The following WDR55 variants were observed in gnomAD, a reference collection of about 807,000 sequenced individuals.
WDR55 encodes WD repeat-containing protein 55.
WDR55 carries 31 observed loss-of-function variants against 34.0 expected under a neutral mutation model. The ratio of observed to expected loss-of-function variants is 0.91; its 90% CI spans 0.69 to 1.23. WDR55 has a LOEUF of 1.23. WDR55 is among the 50% of genes most tolerant of loss of function. The probability of loss-of-function intolerance (pLI) is 0.00; values close to 1 mark genes in which losing one functional copy is unlikely to be tolerated. For synonymous variants in WDR55, 164 were observed against 185.9 expected (o/e 0.88, Z 0.96); for missense variants, 440 against 494.6 (o/e 0.89, Z 1.05).
At chr5:140,666,672 G>C in intron 1 of WDR55, 1 of 984,552 alleles carries the variant, frequency 1.0e-6, no homozygotes. Context: ...CTTTGACCTT[G>C]CCTCACAGAG....
At chr5:140,668,822 C>G (rs374843485) in intron 4 of WDR55, 31 bp downstream of exon 4, 71 of 1,613,252 alleles carry the variant, frequency 4.4e-5, no homozygotes, top group Middle Eastern at 1.6e-4. Flanking sequence ...TGCCTCCCCT[C>G]CCCTCCCTGT....
rs1241796379 is a variant in WDR55, at chr5:140,670,431, C to T, written c.*777C>T. On this transcript the variant is annotated 3_prime_UTR_variant, in exon 7 of 7. Coordinates refer to ENST00000358337, the MANE Select transcript of WDR55 (RefSeq NM_017706.5). ...TGGCGTGATCTTGGCTCACTGCAAC[C>T]TCCGCCTCCCGGGTTCAAGCAATTC... 6.6e-6 allele frequency: 1 copy of T among 151,726 alleles called. No individual in the cohort carries two copies. Among genetic ancestry groups the T allele is most frequent in the Non-Finnish European group, 1.5e-5 (1 of 68,120 alleles). The allele number at this position is 151,726 out of a possible 1,614,324, so 9.4% of individuals were successfully genotyped here. A position where few individuals can be genotyped will look rare whatever the true frequency, so the allele number is the denominator to read the frequency against.
In WDR55 at chr5:140,668,402, A is replaced by G; in HGVS notation, c.293-13A>G. On this transcript the variant is annotated splice_polypyrimidine_tract_variant and intron_variant, in intron 2 of 6. Transcript: ENST00000358337. The stretch of plus-strand genomic sequence containing the variant: ...CAGTGAGCAGCACCATGACCTGGGC[A>G]CCTTTTCCCCAGAGCTCATTACTGT... The G allele has an allele frequency of 6.2e-7, 1 of 1,614,192 alleles. No individual in the cohort carries two copies. The highest frequency in any genetic ancestry group is 8.5e-7 in the Non-Finnish European group (1 of 1,180,040).
rs769839099 is a variant in WDR55, at chr5:140,669,662, A to C, written c.*8A>C. ...GGGGATGACAGTGACTGAAGGAATG[A>C]ATTGAATCTTGAGACGGGTCCTCAC... is the stretch of plus-strand genomic sequence containing the variant. On this transcript the variant is annotated 3_prime_UTR_variant, in exon 7 of 7. Coordinates refer to ENST00000358337, the MANE Select transcript of WDR55 (RefSeq NM_017706.5). The C allele has an allele frequency of 1.9e-6, 3 of 1,608,522 alleles. No homozygotes were observed. The African/African-American group carries it at 4.0e-5, about 22-fold the overall frequency.
At position 140,669,727 on chromosome 5, in the gene WDR55, G is replaced by C. The variant is rs1581492871; in HGVS notation, c.*73G>C. The C allele has an allele frequency of 7.1e-7, 1 of 1,408,334 alleles. No individual in the cohort carries two copies. Among genetic ancestry groups the C allele is most frequent in the African/African-American group, 1.4e-5 (1 of 69,298 alleles). 87.2% of individuals were successfully genotyped at this position (1,408,334 alleles called of 1,614,324 possible). A position where few individuals can be genotyped will look rare whatever the true frequency, so the allele number is the denominator to read the frequency against. On this transcript the variant is annotated 3_prime_UTR_variant, in exon 7 of 7. Coordinates refer to ENST00000358337, the MANE Select transcript of WDR55 (RefSeq NM_017706.5). Reference sequence around the variant, plus strand: ...GCTTATTGGGCTGCATCCCCAGAGAGGATATGAATTATTTTTTGAAAAGAC... The same window carrying C: ...GCTTATTGGGCTGCATCCCCAGAGACGATATGAATTATTTTTTGAAAAGAC...
chr5:140,665,158 C>A, intron 1 of WDR55, 55 bp downstream of exon 1: 1 of 1,504,434 alleles, frequency 6.6e-7, no homozygotes. Flanking sequence ...GGGGGTGGAC[C>A]TGGGAACAGG....
chr5:140,671,623 A>G lies in WDR55; in HGVS notation c.*1969A>G. The G allele has an allele frequency of 6.3e-7, 1 of 1,575,690 alleles. No individual in the cohort carries two copies. The highest frequency in any genetic ancestry group is 2.1e-4 in the Middle Eastern group (1 of 4,808). ...GGAACCCTAACTTGTCCCTTGCCAA[A>G]GCCAACTGGCTGCCCTCTGGCTGTG... On this transcript the variant is annotated 3_prime_UTR_variant, in exon 7 of 7. Coordinates refer to ENST00000358337, the MANE Select transcript of WDR55 (RefSeq NM_017706.5).
Position 140,669,625 on chromosome 5 carries a change from A to G in WDR55, c.1123A>G (p.Lys375Glu), listed in dbSNP as rs368560283. The change falls in exon 7 of 7, where the codon AAG becomes GAG. Residue 375 changes from lysine to glutamate, a missense_variant. By Grantham distance (56) the Lys-to-Glu change is moderately conservative. Coordinates refer to ENST00000358337, the MANE Select transcript of WDR55 (RefSeq NM_017706.5). ...EGEDSMAQEE[K>E]EETGDDSD Reference sequence around the variant, plus strand: ...AGAAGACTCCATGGCTCAGGAAGAAAAGGAGGAGACTGGGGATGACAGTGA... The same window carrying G: ...AGAAGACTCCATGGCTCAGGAAGAAGAGGAGGAGACTGGGGATGACAGTGA... 54 of 1,613,764 alleles carry G rather than the reference A, an allele frequency of 3.3e-5. No homozygotes were observed. Among genetic ancestry groups the G allele is most frequent in the Non-Finnish European group, 4.4e-5 (52 of 1,179,896 alleles).
rs1440475644 is a variant in WDR55, at chr5:140,671,391, C to T, written c.*1737C>T. The T allele has an allele frequency of 6.2e-7, 1 of 1,612,602 alleles. No homozygotes were observed. ...TGCAGCAGCCGTACAGACACAGCAT[C>T]CTTGGCCACCTCATGCCCATCCCGG... On this transcript the variant is annotated 3_prime_UTR_variant, in exon 7 of 7. Coordinates refer to ENST00000358337, the MANE Select transcript of WDR55 (RefSeq NM_017706.5).
chr5:140,672,160 C>CTA lies in WDR55; in HGVS notation c.*2507_*2508dup. 1.8e-6 allele frequency: 1 copy of CTA among 566,140 alleles called. No homozygotes were observed. The highest frequency in any genetic ancestry group is 3.2e-6 in the Non-Finnish European group (1 of 317,142). 35.1% of individuals were successfully genotyped at this position (566,140 alleles called of 1,614,324 possible). A position where few individuals can be genotyped will look rare whatever the true frequency, so the allele number is the denominator to read the frequency against. On this transcript the variant is annotated 3_prime_UTR_variant, in exon 7 of 7. Transcript: ENST00000358337. ...GATTCCCTTGAGCAAATCAATTTCTCTAACAGTTTCCTCATAGCTTGAGGG... is the reference window on the plus strand; with the variant it reads ...GATTCCCTTGAGCAAATCAATTTCTCTATAACAGTTTCCTCATAGCTTGAGGG...
chr5:140,669,665 T>C lies in WDR55; in HGVS notation c.*11T>C. ...GATGACAGTGACTGAAGGAATGAAT[T>C]GAATCTTGAGACGGGTCCTCACCAG... is the stretch of plus-strand genomic sequence containing the variant. On this transcript the variant is annotated 3_prime_UTR_variant, in exon 7 of 7. Coordinates refer to ENST00000358337, the MANE Select transcript of WDR55 (RefSeq NM_017706.5). 6.2e-7 allele frequency: 1 copy of C among 1,607,640 alleles called. No homozygotes were observed. The highest frequency in any genetic ancestry group is 8.5e-7 in the Non-Finnish European group (1 of 1,175,918).
chr5:140,669,334 G>A lies in WDR55; in HGVS notation c.832G>A (p.Ala278Thr). The part of the protein sequence containing the change: ...CTGSTDGVIR[A>T]VNILPNRVVG... ...CAACACTGTTCTTTCCCTGCCCAGG[G>A]CTGTGAACATCCTACCGAACCGAGT... The change falls in exon 7 of 7, where the codon GCT becomes ACT. Residue 278 changes from alanine (A) to threonine (T), a missense_variant and splice_region_variant. Coordinates refer to ENST00000358337, the MANE Select transcript of WDR55 (RefSeq NM_017706.5). The A allele has an allele frequency of 1.2e-6, 2 of 1,610,668 alleles. No individual in the cohort carries two copies. The highest frequency in any genetic ancestry group is 2.2e-5 in the South Asian group (2 of 91,002).
chr5:140,669,485 G>T lies in WDR55; in HGVS notation c.983G>T (p.Arg328Leu). 6.2e-7 allele frequency: 1 copy of T among 1,614,140 alleles called. No homozygotes were observed. The highest frequency in any genetic ancestry group is 1.1e-5 in the South Asian group (1 of 91,080). ...RLKFWDMAQL[R>L]AVVVDDYRRR... ...AAGTTTTGGGACATGGCCCAGCTGC[G>T]AGCTGTGGTGGTGGATGACTACCGT... Residue 328 changes from arginine (R) to leucine (L), a missense_variant, in exon 7 of 7, where the codon CGA (arginine) becomes CTA (leucine). Arg to Leu is a moderately radical substitution (Grantham distance 102, BLOSUM62 -2). Transcript: ENST00000358337.
In WDR55 at chr5:140,669,512, G is replaced by A. The variant is rs200155650; in HGVS notation, c.1010G>A (p.Arg337Gln). The part of the protein sequence containing the change: ...LRAVVVDDYR[R>Q]RKKKGGPLRA... Reference sequence around the variant, plus strand: ...GCTGTGGTGGTGGATGACTACCGTCGGCGCAAAAAAAAGGGAGGACCACTG... The same window carrying A: ...GCTGTGGTGGTGGATGACTACCGTCAGCGCAAAAAAAAGGGAGGACCACTG... The change falls in exon 7 of 7, where the codon CGG becomes CAG. Residue 337 changes from arginine to glutamine, a missense_variant. Transcript: ENST00000358337. 2.1e-5 allele frequency: 34 copies of A among 1,613,780 alleles called. No individual in the cohort carries two copies. The highest frequency in any genetic ancestry group is 1.0e-4 in the Admixed American group (6 of 59,992).
In WDR55 at chr5:140,669,393, T is replaced by G. The variant is rs1314410717; in HGVS notation, c.891T>G (p.Pro297=). ...GTGTGGGCCAGCACACTGGGGAGCCTGTGGAGGAGCTGGCCCTCTCCCACT... is the reference window on the plus strand; with the variant it reads ...GTGTGGGCCAGCACACTGGGGAGCCGGTGGAGGAGCTGGCCCTCTCCCACT... The part of the protein sequence containing the change: ...VGSVGQHTGE[P]VEELALSHCG... Residue 297 remains proline, a synonymous_variant, in exon 7 of 7, where the codon CCT becomes CCG. Transcript: ENST00000358337. 6.2e-7 allele frequency: 1 copy of G among 1,614,040 alleles called. No homozygotes were observed. Among genetic ancestry groups the G allele is most frequent in the Admixed American group, 1.7e-5 (1 of 60,024 alleles).
chr5:140,666,986 CCCTCATTAGCTGTAATGG>C, intron 1 of WDR55: 2 of 985,372 alleles, frequency 2.0e-6, no homozygotes, highest in South Asian at 9.4e-5. Context: ...AAACCTCAAC[CCCTCATTAGCTGTAATGG>C]CCTTGAGCGT....
At position 140,669,707 on chromosome 5, in the gene WDR55, T is replaced by C. The variant is rs566386885; in HGVS notation, c.*53T>C. The C allele has an allele frequency of 1.9e-5, 29 of 1,505,604 alleles. 1 individual carries two copies. The East Asian group carries it at 6.2e-4, about 32-fold the overall frequency. The allele number at this position is 1,505,604 out of a possible 1,614,324, so 93.3% of individuals were successfully genotyped here. On this transcript the variant is annotated 3_prime_UTR_variant, in exon 7 of 7. Transcript: ENST00000358337. Reference sequence around the variant, plus strand: ...CCTCACCAGGCAAGAGTCTTGCTTATTGGGCTGCATCCCCAGAGAGGATAT... The same window carrying C: ...CCTCACCAGGCAAGAGTCTTGCTTACTGGGCTGCATCCCCAGAGAGGATAT...
chr5:140,666,073 C>CA (rs1323829192), intron 1 of WDR55, among the ~76,000 whole-genome samples: 1 of 151,992 alleles, frequency 6.6e-6, no homozygotes, highest in Non-Finnish European at 1.5e-5. Context: ...ACGCCCTGAC[C>CA]ATCTGTGCTC....
In WDR55 at chr5:140,668,742, A is replaced by G. The variant is rs756298423; in HGVS notation, c.511A>G (p.Ile171Val). The G allele has an allele frequency of 4.3e-6, 7 of 1,614,092 alleles. No individual in the cohort carries two copies. The highest frequency in any genetic ancestry group is 4.5e-5 in the East Asian group (2 of 44,886). The change falls in exon 4 of 7, where the codon ATC becomes GTC. Residue 171 changes from isoleucine (I) to valine (V), a missense_variant. By Grantham distance (29) the Ile-to-Val change is conservative. Coordinates refer to ENST00000358337, the MANE Select transcript of WDR55 (RefSeq NM_017706.5). The stretch of plus-strand genomic sequence containing the variant: ...GGATATGAGGCAACATGAAGAGTAC[A>G]TCGCAGACATGGCTCTGGATCCAGC... ...LMDMRQHEEY[I>V]ADMALDPAKK...
Sources: allele counts gnomAD v4.1 joint callset (sites outside exome capture counted in the v4.1 genomes callset), GRCh38; gene constraint gnomAD v4.1.1; transcripts MANE v1.5; gene names NCBI Gene and HGNC (gene_info 2026-07-23, HGNC 2026-07-21).